The following EXOC2 variants were observed in gnomAD, a reference collection of about 807,000 sequenced individuals.
EXOC2 encodes the protein SEC5-like 1.
EXOC2 carries 70 observed loss-of-function variants against 131.8 expected under a neutral mutation model. The ratio of observed to expected loss-of-function variants is 0.53; its 90% confidence interval spans 0.44 to 0.65. The LOEUF (loss-of-function observed/expected upper bound fraction) is 0.65. Ranked by LOEUF, EXOC2 falls within the 30% of genes least tolerant of loss-of-function variation. The pLI is 0.00. For missense variants in EXOC2, 923 were observed against 1,108.6 expected, an observed-to-expected ratio of 0.83 and a Z score of 2.38; for synonymous variants, 411 against 398.4, an observed-to-expected ratio of 1.03 and a Z score of -0.38.
At chr6:660,956 AAAC>A (rs1763400696) in intron 1 of EXOC2, among the ~76,000 whole-genome samples, 1 of 152,228 alleles carries the variant, frequency 6.6e-6, no homozygotes, top group South Asian at 2.1e-4. Flanking sequence ...CTTAAAGAAA[AAAC>A]AATCAAAAAT....
chr6:618,567 T>C (rs1005724410), intron 5 of EXOC2, among the ~76,000 whole-genome samples: 2 of 152,226 alleles, frequency 1.3e-5, no homozygotes, highest in African/African-American at 2.4e-5. Flanking sequence ...ATCAGAATCA[T>C]CTTCTACAAT....
At chr6:641,992 G>A (rs1295661843) in intron 1 of EXOC2, among the ~76,000 whole-genome samples, 5 of 151,930 alleles carry the variant, frequency 3.3e-5, no homozygotes, top group Non-Finnish European at 7.4e-5. Context: ...TCCACATCCC[G>A]TTCAAAGCCT....
rs545066114 is a variant in EXOC2 at position 682,232 on chromosome 6, C to G, written c.-44+10787G>C. ...TTTTTTTTTTTGAGACGGAGTCTCG[C>G]TCTGTCACCCATGCTGGAGTGCAGT... On this transcript the variant is annotated intron_variant, in intron 1 of 27. Coordinates refer to ENST00000230449, the MANE Select transcript of EXOC2 (RefSeq NM_018303.6). Among the ~76,000 whole-genome samples the G allele has an allele frequency of 9.4e-5, 14 of 148,896 alleles. No homozygotes were observed. In the South Asian group the frequency reaches 1.5e-3, roughly 16 times the overall value.
chr6:594,283 T>C (rs1231661630), intron 10 of EXOC2, among the ~76,000 whole-genome samples: 1 of 152,258 alleles, frequency 6.6e-6, no homozygotes, highest in Non-Finnish European at 1.5e-5. Context: ...GGCTTTCTTC[T>C]TTTATTACCT....
intron 4 of EXOC2, 42 bp from the exon 5 acceptor site, chr6:619,585 A>G (rs3736722): frequency 0.049 from 67,390 of 1,387,766 alleles, 3,368 homozygotes; most frequent in South Asian, 0.19. Flanking sequence ...AATGGTTATT[A>G]TGACAAAAAT....
chr6:631,438 T>C (rs1761850217), intron 3 of EXOC2, among the ~76,000 whole-genome samples: 1 of 151,970 alleles, frequency 6.6e-6, no homozygotes, highest in Non-Finnish European at 1.5e-5. Flanking sequence ...CTGCAGAGGC[T>C]GAGGCAGGAG....
chr6:488,810 A>G (rs1234381617), intron 27 of EXOC2, among the ~76,000 whole-genome samples, 169 bp downstream of exon 27: 4 of 152,212 alleles, frequency 2.6e-5, no homozygotes, highest in Admixed American at 1.3e-4. Context: ...GTTACAGGTG[A>G]CGAGATGTAC....
At chr6:616,216 G>GC (rs1460818337) in intron 6 of EXOC2, among the ~76,000 whole-genome samples, 4 of 152,090 alleles carry the variant, frequency 2.6e-5, no homozygotes, top group African/African-American at 9.7e-5. Flanking sequence ...ATAAAGAATG[G>GC]CACACCATCA....
intron 7 of EXOC2, among the ~76,000 whole-genome samples, chr6:607,745 A>G (rs1047152480): frequency 3.3e-5 from 5 of 152,268 alleles, no homozygotes; most frequent in African/African-American, 9.6e-5. Flanking sequence ...TTGAATATGC[A>G]AATTTGATGT....
chr6:600,753 G>C (rs947352843), intron 7 of EXOC2, among the ~76,000 whole-genome samples: 1 of 122,854 alleles, frequency 8.1e-6, no homozygotes, highest in African/African-American at 4.5e-5. Flanking sequence ...AATAGAGACA[G>C]AGAAAAATTT....
intron 23 of EXOC2, among the ~76,000 whole-genome samples, chr6:503,691 T>C (rs939137325): frequency 3.3e-5 from 5 of 152,204 alleles, no homozygotes; most frequent in Non-Finnish European, 5.9e-5. Context: ...TAGTACTGGA[T>C]AGGAACAGAG....
chr6:487,032 C>G (rs1165539276), intron 27 of EXOC2, among the ~76,000 whole-genome samples: 1 of 152,250 alleles, frequency 6.6e-6, no homozygotes, highest in Non-Finnish European at 1.5e-5. Context: ...CTAATACAGA[C>G]TGATGTTTGG....
At chr6:632,732 G>A (rs747243358) in intron 3 of EXOC2, among the ~76,000 whole-genome samples, 16 of 152,162 alleles carry the variant, frequency 1.1e-4, no homozygotes, top group Non-Finnish European at 1.9e-4. Context: ...GTCATCCTTA[G>A]GCTTCACTGA....
chr6:690,920 T>C (rs1377755943), intron 1 of EXOC2, among the ~76,000 whole-genome samples: 1 of 152,096 alleles, frequency 6.6e-6, no homozygotes, highest in African/African-American at 2.4e-5. Flanking sequence ...CTTAGCAGAG[T>C]GATCAATGAA....
chr6:619,559 G>A lies in EXOC2; in HGVS notation c.423-16C>T, dbSNP rs761283134. ...AAATTTACTTCTGAGGGGAAAAAAC[G>A]TTTAAAATATATTTCAATGGTTATT... On this transcript the variant is annotated splice_polypyrimidine_tract_variant and intron_variant, in intron 4 of 27. Coordinates refer to ENST00000230449, the MANE Select transcript of EXOC2 (RefSeq NM_018303.6). The A allele has an allele frequency of 6.1e-5, 95 of 1,566,092 alleles. No homozygotes were observed. Among genetic ancestry groups the A allele is most frequent in the Non-Finnish European group, 7.5e-5 (85 of 1,137,066 alleles).
chr6:558,452 T>A (rs1473573452), intron 17 of EXOC2, among the ~76,000 whole-genome samples: 1 of 152,206 alleles, frequency 6.6e-6, no homozygotes, highest in African/African-American at 2.4e-5. Flanking sequence ...AAATTTAAGA[T>A]GTTACAATGA....
At chr6:666,101 C>T (rs1561991852) in intron 1 of EXOC2, among the ~76,000 whole-genome samples, 1 of 152,110 alleles carries the variant, frequency 6.6e-6, no homozygotes, top group Non-Finnish European at 1.5e-5. Context: ...CAACTGAGAC[C>T]TCATGGCCAA....
rs143188860 is a variant in EXOC2 at position 559,832 on chromosome 6, C to T, written c.1851+2952G>A. Among the ~76,000 whole-genome samples the T allele has an allele frequency of 7.2e-5, 11 of 152,288 alleles. No individual in the cohort carries two copies. In the East Asian group the frequency reaches 1.9e-3, roughly 27 times the overall value. ...CCTGAAGCCAATCCCTGTTTTATGG[C>T]TCAGAGTTACTGAATTGATGGCAGA... On this transcript the variant is annotated intron_variant, in intron 17 of 27. Coordinates refer to ENST00000230449, the MANE Select transcript of EXOC2 (RefSeq NM_018303.6).
intron 1 of EXOC2, among the ~76,000 whole-genome samples, chr6:660,518 A>G (rs1763379558): frequency 6.6e-6 from 1 of 152,240 alleles, no homozygotes; most frequent in Non-Finnish European, 1.5e-5. Context: ...AGAGCTGGGT[A>G]GACTCGCTGG....
Sources: allele counts gnomAD v4.1 joint callset (sites outside exome capture counted in the v4.1 genomes callset), GRCh38; gene constraint gnomAD v4.1.1; transcripts MANE v1.5; gene names NCBI Gene and HGNC (gene_info 2026-07-23, HGNC 2026-07-21).